The following ACTN2 variants were observed in gnomAD, a reference collection of about 807,000 sequenced individuals.
ACTN2 encodes the protein alpha-actinin-2.
In ACTN2, 39 loss-of-function variants were observed where a neutral mutation model predicts 113.8. The observed-to-expected ratio is 0.34, with a 90% CI of 0.27 to 0.45. The LOEUF (loss-of-function observed/expected upper bound fraction) is 0.45. ACTN2 is among the 20% of genes least tolerant of loss of function. ACTN2 has a pLI of 1.00. For missense variants in ACTN2, 992 were observed against 1,177.9 expected (o/e 0.84, Z 2.31); for synonymous variants, 429 against 444.1 (o/e 0.97, Z 0.43).
Position 236,749,340 on chromosome 1 carries a change from G to C in ACTN2, c.1656+76G>C, listed in dbSNP as rs1173572211. On this transcript the variant is annotated intron_variant, in intron 14 of 20. Transcript: ENST00000366578. ...TTTAAACTTAAGAGTCCTGTTATTT[G>C]GTTTCTTGTTTTCTTGCTTTAAAAA... The C allele has an allele frequency of 2.5e-6, 4 of 1,585,850 alleles. No homozygotes were observed. The East Asian group carries it at 8.9e-5, about 35-fold the overall frequency.
chr1:236,688,954 G>A (rs554688096), intron 1 of ACTN2, among the ~76,000 whole-genome samples: 6 of 152,268 alleles, frequency 3.9e-5, no homozygotes, highest in African/African-American at 1.4e-4. Context: ...TGACGTCCGT[G>A]GCGTTATAAT....
At chr1:236,702,214 C>A (rs550891591) in intron 1 of ACTN2, among the ~76,000 whole-genome samples, 1 of 152,216 alleles carries the variant, frequency 6.6e-6, no homozygotes, top group Non-Finnish European at 1.5e-5. Context: ...CAAGTTAAGT[C>A]GTTTTTTTCC....
rs973145308 is a variant in ACTN2, at chr1:236,718,970, C to T, written c.318C>T (p.Tyr106=). 1.2e-6 allele frequency: 2 copies of T among 1,614,150 alleles called. No homozygotes were observed. Among genetic ancestry groups the T allele is most frequent in the Non-Finnish European group, 1.7e-6 (2 of 1,180,020 alleles). The change falls in exon 3 of 21, where the codon TAC becomes TAT. Residue 106 remains tyrosine, a synonymous_variant. Transcript: ENST00000366578. ...KIANVNKALD[Y]IASKGVKLVS... The stretch of plus-strand genomic sequence containing the variant: ...CTAATGTCAACAAAGCTTTGGATTA[C>T]ATAGCCAGCAAAGGGGTGAAACTGG...
intron 11 of ACTN2, 55 bp downstream of exon 11, chr1:236,743,098 C>T: frequency 2.5e-6 from 4 of 1,601,406 alleles, no homozygotes; most frequent in East Asian, 4.5e-5. Context: ...GAGCCATGCC[C>T]AGAGCCATGA....
At chr1:236,687,015 G>T (rs2102851831) in intron 1 of ACTN2, among the ~76,000 whole-genome samples, 1 of 152,104 alleles carries the variant, frequency 6.6e-6, no homozygotes, top group African/African-American at 2.4e-5. Context: ...GCGCGCGCTA[G>T]CAGCATCGGA....
chr1:236,694,524 G>A (rs142069033), intron 1 of ACTN2, among the ~76,000 whole-genome samples: 108 of 152,100 alleles, frequency 7.1e-4, no homozygotes, highest in Non-Finnish European at 1.0e-3. Context: ...CGCCTGGCCC[G>A]CACTGACATT....
intron 1 of ACTN2, among the ~76,000 whole-genome samples, chr1:236,706,925 TG>T (rs1302871394): frequency 6.6e-6 from 1 of 152,204 alleles, no homozygotes; most frequent in African/African-American, 2.4e-5. Context: ...TACCTTGTGT[TG>T]GGTTTTTTGA....
At chr1:236,742,013 C>T (rs1014903395) in intron 10 of ACTN2, among the ~76,000 whole-genome samples, 1 of 152,082 alleles carries the variant, frequency 6.6e-6, no homozygotes, top group African/African-American at 2.4e-5. Context: ...CTTGGGCGTT[C>T]GAGTTTTTTC....
intron 7 of ACTN2, among the ~76,000 whole-genome samples, chr1:236,734,841 C>T (rs1658818726): frequency 6.6e-6 from 1 of 152,186 alleles, no homozygotes; most frequent in Admixed American, 6.5e-5. Flanking sequence ...CACTCTGACC[C>T]ATTGACTGAC....
chr1:236,712,016 G>T (rs1473570044), intron 1 of ACTN2, among the ~76,000 whole-genome samples: 1 of 152,220 alleles, frequency 6.6e-6, no homozygotes, highest in African/African-American at 2.4e-5. Flanking sequence ...TTAAGCCAAA[G>T]AGCCTGCCTC....
At chr1:236,749,626 G>A (rs569273093) in intron 14 of ACTN2, among the ~76,000 whole-genome samples, 19 of 152,064 alleles carry the variant, frequency 1.2e-4, no homozygotes, top group Admixed American at 2.6e-4. Context: ...GCAAAACCCC[G>A]TCTCTACAAA....
chr1:236,715,485 A>G (rs1490194837), intron 1 of ACTN2, among the ~76,000 whole-genome samples: 1 of 152,086 alleles, frequency 6.6e-6, no homozygotes, highest in Non-Finnish European at 1.5e-5. Context: ...TTCTGTGATG[A>G]TAGGAATGTT....
chr1:236,689,358 T>TA lies in ACTN2; in HGVS notation c.126+2559_126+2560insA, dbSNP rs1553295886. ...ATATATACACACACATATGTATATT[T>TA]TATATATATATATAAAATATGTAAT... On this transcript the variant is annotated intron_variant, in intron 1 of 20. Transcript: ENST00000366578. Among the ~76,000 whole-genome samples, 263 of 145,326 alleles carry TA rather than the reference T, an allele frequency of 1.8e-3. 2 individuals carry two copies. The highest frequency in any genetic ancestry group is 7.3e-3 in the Middle Eastern group (2 of 274).
intron 7 of ACTN2, chr1:236,734,563 T>C: frequency 7.2e-7 from 1 of 1,394,562 alleles, no homozygotes; most frequent in Non-Finnish European, 9.7e-7. Flanking sequence ...TCACCTTCTG[T>C]GTCTTAATTT....
At chr1:236,712,192 T>A (rs984570551) in intron 1 of ACTN2, among the ~76,000 whole-genome samples, 7 of 152,212 alleles carry the variant, frequency 4.6e-5, no homozygotes, top group Non-Finnish European at 8.8e-5. Flanking sequence ...ATCTTATCCA[T>A]GATTAACAGA....
At position 236,749,207 on chromosome 1, in the gene ACTN2, G is replaced by C. The variant is rs765743650; in HGVS notation, c.1599G>C (p.Glu533Asp). The C allele has an allele frequency of 1.2e-6, 2 of 1,614,180 alleles. No homozygotes were observed. Among genetic ancestry groups the C allele is most frequent in the South Asian group, 2.2e-5 (2 of 91,084 alleles). The change falls in exon 14 of 21, where the codon GAG becomes GAC. Residue 533 changes from glutamate to aspartate, a missense_variant. Glu to Asp is a conservative substitution (Grantham distance 45). Transcript: ENST00000366578. The part of the protein sequence containing the change: ...KRAAPFNNWM[E>D]GAMEDLQDMF... ...CTGCTCCTTTCAACAATTGGATGGA[G>C]GGCGCTATGGAGGATCTGCAAGATA... is the stretch of plus-strand genomic sequence containing the variant.
At chr1:236,734,422 T>C (rs1293670429) in intron 7 of ACTN2, 5 of 1,528,962 alleles carry the variant, frequency 3.3e-6, no homozygotes, top group Non-Finnish European at 4.4e-6. Flanking sequence ...AACCTTCTTT[T>C]CTCCACACAG....
rs114244088 is a variant in ACTN2, at chr1:236,754,141, G to T, written c.1974+60G>T. The T allele has an allele frequency of 6.2e-7, 1 of 1,603,446 alleles. No individual in the cohort carries two copies. Among genetic ancestry groups the T allele is most frequent in the Admixed American group, 1.7e-5 (1 of 60,012 alleles). ...CCTTGCGATAAGTCCCTTTAGCCACGCAGCAGTGACACCGCACATGCTGTG... is the reference window on the plus strand; with the variant it reads ...CCTTGCGATAAGTCCCTTTAGCCACTCAGCAGTGACACCGCACATGCTGTG... On this transcript the variant is annotated intron_variant, in intron 16 of 20. Coordinates refer to ENST00000366578, the MANE Select transcript of ACTN2 (RefSeq NM_001103.4). The surrounding 1 kb of genome is among the most constrained non-coding windows in gnomAD (Gnocchi z 4.9).
At chr1:236,686,941 G>T (rs925020178) in intron 1 of ACTN2, 142 bp downstream of exon 1, 1 of 977,414 alleles carries the variant, frequency 1.0e-6, no homozygotes, top group South Asian at 3.9e-5. Context: ...TCGCAGCCCC[G>T]GGGGCCCCTT....
Sources: gnomAD v4.1 joint callset for allele counts (sites outside exome capture counted in the v4.1 genomes callset) on GRCh38, gnomAD v4.1.1 for gene constraint, Gnocchi (gnomAD v3.1) non-coding constraint, MANE v1.5 for transcripts, NCBI Gene and HGNC (gene_info 2026-07-23, HGNC 2026-07-21) for gene names.